Variants in BICRA observed in about 807,000 individuals in gnomAD.
BICRA encodes BRD4 interacting chromatin remodeling complex associated protein, also known as BRD4-interacting chromatin-remodeling complex-associated protein.
In BICRA, 31 loss-of-function variants were observed where a neutral mutation model predicts 96.9. That is an observed-to-expected ratio of 0.32 (90% CI 0.24 to 0.43). The LOEUF (loss-of-function observed/expected upper bound fraction) is 0.43, where lower values mean the gene tolerates loss of function less well. Among genes scored for constraint, BICRA ranks in the 20% least tolerant of loss-of-function variants. The pLI, the probability that BICRA is intolerant of heterozygous loss-of-function variation, is 1.00. For synonymous variants in BICRA, 1,350 were observed against 1,071.8 expected, an observed-to-expected ratio of 1.26 and a Z score of -5.07; for missense variants, 2,283 against 2,190.3, an observed-to-expected ratio of 1.04 and a Z score of -0.84.
At chr19:47,659,685 T>TACACACACACACACAC (rs10567798) in intron 1 of BICRA, among the ~76,000 whole-genome samples, 1 of 132,414 alleles carries the variant, frequency 7.6e-6, no homozygotes. Context: ...TGGTGGTGCA[T>TACACACACACACACAC]ACACACACAC....
At chr19:47,677,704 A>C (rs573794545) in intron 5 of BICRA, among the ~76,000 whole-genome samples, 4 of 152,306 alleles carry the variant, frequency 2.6e-5, no homozygotes, top group African/African-American at 4.8e-5. Context: ...CTCAAAAAAA[A>C]CCCAAAGAAA....
chr19:47,683,730 G>A (rs948203092), intron 7 of BICRA, among the ~76,000 whole-genome samples: 5 of 152,004 alleles, frequency 3.3e-5, no homozygotes, highest in East Asian at 1.9e-4. Flanking sequence ...GACTACAGGC[G>A]CCCGCCACCA....
intron 2 of BICRA, among the ~76,000 whole-genome samples, chr19:47,671,063 G>A (rs1369134203): frequency 6.6e-6 from 1 of 152,202 alleles, no homozygotes; most frequent in East Asian, 1.9e-4. Flanking sequence ...AGGGTGATCC[G>A]TGAACCCTGG....
chr19:47,691,282 C>T (rs1314141977), intron 7 of BICRA, among the ~76,000 whole-genome samples: 1 of 152,236 alleles, frequency 6.6e-6, no homozygotes, highest in Non-Finnish European at 1.5e-5. Flanking sequence ...ACAGAATGCT[C>T]AGGATGGGAG....
intron 1 of BICRA, among the ~76,000 whole-genome samples, chr19:47,632,588 G>A (rs574973868): frequency 2.6e-5 from 4 of 152,200 alleles, no homozygotes; most frequent in East Asian, 3.9e-4. Flanking sequence ...ACTGGGAACC[G>A]CACGTGTGGG....
Position 47,698,852 on chromosome 19 carries a change from G to C in BICRA, c.3397+70G>C. The stretch of plus-strand genomic sequence containing the variant: ...CAGCCCGTGGGGCGGGGCGTCGCCA[G>C]TGTGGAGCCGCAGGTCCACGGTGCG... On this transcript the variant is annotated intron_variant, in intron 12 of 14. Transcript: ENST00000594866. This position sits in a 1 kb window ranked among gnomAD's most constrained non-coding sequence, Gnocchi z 4.8. The C allele has an allele frequency of 7.1e-7, 1 of 1,416,722 alleles. No individual in the cohort carries two copies. Among genetic ancestry groups the C allele is most frequent in the East Asian group, 2.5e-5 (1 of 40,524 alleles). 87.8% of individuals were successfully genotyped at this position (1,416,722 alleles called of 1,614,324 possible). A position where few individuals can be genotyped will look rare whatever the true frequency, so the allele number is the denominator to read the frequency against.
intron 1 of BICRA, among the ~76,000 whole-genome samples, chr19:47,631,622 C>T (rs555954186): frequency 7.9e-5 from 12 of 152,246 alleles, no homozygotes; most frequent in Non-Finnish European, 2.9e-5. Context: ...GCCTTGGCCT[C>T]CCAAAGTTCC....
chr19:47,674,844 C>T (rs1331786080), intron 4 of BICRA, among the ~76,000 whole-genome samples: 4 of 152,164 alleles, frequency 2.6e-5, no homozygotes, highest in Admixed American at 6.5e-5. Context: ...CCTTAATGAC[C>T]CAGTCTCCAA....
intron 7 of BICRA, among the ~76,000 whole-genome samples, chr19:47,683,635 A>C (rs1197036421): frequency 1.3e-5 from 2 of 149,082 alleles, no homozygotes; most frequent in Admixed American, 1.4e-4. Flanking sequence ...CCCAGGCTGG[A>C]GTGCGGTGTC....
chr19:47,634,614 A>C (rs1229243477), intron 1 of BICRA, among the ~76,000 whole-genome samples: 1 of 152,136 alleles, frequency 6.6e-6, no homozygotes, highest in East Asian at 1.9e-4. Flanking sequence ...GAAGAAACCC[A>C]TAAAAACCAA....
rs186858432 is a variant in BICRA, at chr19:47,688,859, C to G, written c.2284-5256C>G. 8.5e-5 allele frequency among the ~76,000 whole-genome samples: 13 copies of G among 152,200 alleles called. No homozygotes were observed. The East Asian group carries it at 1.9e-3, about 23-fold the overall frequency. On this transcript the variant is annotated intron_variant, in intron 7 of 14. Coordinates refer to ENST00000594866, the MANE Select transcript of BICRA (RefSeq NM_001394372.1). The stretch of plus-strand genomic sequence containing the variant: ...TGTTTTTGAGACAGAGTCTCTCTCT[C>G]TCTCTCGCCCGGGCTGGAGTGCAGT...
chr19:47,614,854 C>T (rs1381099010), intron 1 of BICRA, among the ~76,000 whole-genome samples: 3 of 152,142 alleles, frequency 2.0e-5, no homozygotes, highest in East Asian at 1.9e-4. Flanking sequence ...GGAAGGCATA[C>T]GTCCGCACAT....
chr19:47,693,413 C>T (rs1973270656), intron 7 of BICRA, among the ~76,000 whole-genome samples: 2 of 152,234 alleles, frequency 1.3e-5, no homozygotes, highest in Non-Finnish European at 2.9e-5. Flanking sequence ...GGTAGGCCTG[C>T]AGCCATGGAC....
Position 47,695,057 on chromosome 19 carries a change from CCCCGGCACCCAT to C in BICRA, c.3054_3065del (p.Pro1019_Met1022del). On this transcript the variant is annotated inframe_deletion, in exon 9 of 15. Coordinates refer to ENST00000594866, the MANE Select transcript of BICRA (RefSeq NM_001394372.1). ...CCCACTGCCCCCAGCCACGCCCCCG[CCCCGGCACCCAT>C]GGCCGCCACAGGTAGGAGAGAGGTC... The C allele has an allele frequency of 6.7e-7, 1 of 1,497,918 alleles. No homozygotes were observed. The highest frequency in any genetic ancestry group is 2.5e-5 in the East Asian group (1 of 40,786). 92.8% of individuals were successfully genotyped at this position (1,497,918 alleles called of 1,614,324 possible).
intron 3 of BICRA, 24 bp downstream of exon 3, chr19:47,673,639 CT>C: frequency 1.3e-6 from 2 of 1,585,128 alleles, no homozygotes; most frequent in African/African-American, 1.3e-5. Context: ...TCCCCACCCC[CT>C]GCCCTCTGTC....
intron 5 of BICRA, among the ~76,000 whole-genome samples, chr19:47,677,692 G>A (rs868039441): frequency 1.7e-4 from 26 of 152,138 alleles, no homozygotes; most frequent in Middle Eastern, 3.4e-3. Flanking sequence ...TGGAAACTCC[G>A]TCTCAAAAAA....
At chr19:47,647,345 C>T (rs929931780) in intron 1 of BICRA, among the ~76,000 whole-genome samples, 2 of 152,096 alleles carry the variant, frequency 1.3e-5, no homozygotes, top group Non-Finnish European at 2.9e-5. Flanking sequence ...TGTGTGTTAA[C>T]CTACTGAGAC....
intron 1 of BICRA, among the ~76,000 whole-genome samples, chr19:47,609,373 C>T (rs1346710479): frequency 4.3e-5 from 4 of 92,536 alleles, no homozygotes; most frequent in Non-Finnish European, 9.1e-5. Flanking sequence ...CGCCCGCTGC[C>T]TCCTTTTTTT....
intron 1 of BICRA, among the ~76,000 whole-genome samples, chr19:47,630,604 T>C (rs1222298617): frequency 6.6e-6 from 1 of 152,216 alleles, no homozygotes; most frequent in Non-Finnish European, 1.5e-5. Flanking sequence ...TCTTTTTTTG[T>C]GGCTAAGTTC....
Sources: gnomAD v4.1 joint callset for allele counts (sites outside exome capture counted in the v4.1 genomes callset) on GRCh38, gnomAD v4.1.1 for gene constraint, Gnocchi (gnomAD v3.1) non-coding constraint, MANE v1.5 for transcripts, NCBI Gene and HGNC (gene_info 2026-07-23, HGNC 2026-07-21) for gene names.